PRKCE: variants seen among roughly 807,000 people sequenced by gnomAD.
PRKCE encodes protein kinase C epsilon.
Under a neutral mutation model 85.4 loss-of-function variants are expected in PRKCE, and 16 were observed. The ratio of observed to expected loss-of-function variants is 0.19; its 90% CI spans 0.13 to 0.28. The LOEUF is 0.28. Ranked by LOEUF, PRKCE falls within the 10% of genes least tolerant of loss-of-function variation. PRKCE has a pLI of 1.00. For synonymous variants in PRKCE, 388 were observed against 371.5 expected (o/e 1.04, Z -0.51); for missense variants, 573 against 975.2 (o/e 0.59, Z 5.49).
intron 2 of PRKCE, among the ~76,000 whole-genome samples, chr2:45,920,231 T>C (rs981411086): frequency 3.9e-5 from 6 of 152,214 alleles, no homozygotes; most frequent in Admixed American, 3.9e-4. Flanking sequence ...TGACATCAGC[T>C]TGAGGATAAA....
rs1704705613 is a variant in PRKCE at position 46,001,806 on chromosome 2, G to C, written c.966+260G>C. On this transcript the variant is annotated intron_variant, in intron 7 of 14. Transcript: ENST00000306156. This position sits in a 1 kb window ranked among gnomAD's most constrained non-coding sequence, Gnocchi z 4.4. ...CAAAGAAACATAAACTTTGAGATGA[G>C]GAATTTGAAATTCCTTCTAGAAAAA... 6.6e-6 allele frequency among the ~76,000 whole-genome samples: 1 copy of C among 152,178 alleles called. No individual in the cohort carries two copies. The highest frequency in any genetic ancestry group is 1.5e-5 in the Non-Finnish European group (1 of 68,028).
intron 1 of PRKCE, among the ~76,000 whole-genome samples, chr2:45,665,191 A>G (rs1675855014): frequency 6.6e-6 from 1 of 152,242 alleles, no homozygotes; most frequent in African/African-American, 2.4e-5. Flanking sequence ...ACAAAAATAT[A>G]TGTGGCAAGT....
In PRKCE at chr2:46,010,215, C is replaced by T. The variant is rs1459098161; in HGVS notation, c.1264-129C>T. 2.8e-6 allele frequency: 3 copies of T among 1,075,586 alleles called. No homozygotes were observed. The African/African-American group carries it at 4.8e-5, about 17-fold the overall frequency. 66.6% of individuals were successfully genotyped at this position (1,075,586 alleles called of 1,614,324 possible). On this transcript the variant is annotated intron_variant, in intron 9 of 14. Transcript: ENST00000306156. ...GTATCTTGGGTGCATGCCACCACAC[C>T]AGGCTTGTTATAATATTTAAAATTA...
intron 14 of PRKCE, among the ~76,000 whole-genome samples, chr2:46,174,925 G>A (rs945763634): frequency 2.0e-5 from 3 of 151,806 alleles, no homozygotes; most frequent in Non-Finnish European, 4.4e-5. Context: ...TCCTGGGCTC[G>A]AGCTATCCAC....
At chr2:45,882,203 AG>A (rs1355324683) in intron 2 of PRKCE, among the ~76,000 whole-genome samples, 1 of 152,160 alleles carries the variant, frequency 6.6e-6, no homozygotes, top group Non-Finnish European at 1.5e-5. Flanking sequence ...TTCGAGTTTC[AG>A]GTTGAGGATG....
intron 2 of PRKCE, among the ~76,000 whole-genome samples, chr2:45,952,665 C>T (rs1449618552): frequency 6.6e-6 from 1 of 152,156 alleles, no homozygotes; most frequent in Middle Eastern, 3.2e-3. Flanking sequence ...AAGCACTCAC[C>T]ACAGGATTCC....
chr2:45,904,548 C>T (rs960363933), intron 2 of PRKCE, among the ~76,000 whole-genome samples: 2 of 152,176 alleles, frequency 1.3e-5, no homozygotes, highest in African/African-American at 4.8e-5. Context: ...CAGAGGCGTG[C>T]TCGGTGGGTT....
intron 1 of PRKCE, among the ~76,000 whole-genome samples, chr2:45,744,278 A>G (rs1279477402): frequency 6.6e-6 from 1 of 152,202 alleles, no homozygotes; most frequent in African/African-American, 2.4e-5. Flanking sequence ...ACTATCAAGT[A>G]GAGTGTGTGT....
chr2:45,662,749 T>G (rs545106182), intron 1 of PRKCE, among the ~76,000 whole-genome samples: 2 of 152,194 alleles, frequency 1.3e-5, no homozygotes, highest in African/African-American at 4.8e-5. Flanking sequence ...ACAAAGCTAT[T>G]TTTGATAGCT....
chr2:45,720,342 C>T (rs761638077), intron 1 of PRKCE, among the ~76,000 whole-genome samples: 3 of 152,040 alleles, frequency 2.0e-5, no homozygotes, highest in Non-Finnish European at 2.9e-5. Context: ...TTGGCGGGGG[C>T]GGTAGGGGTG....
chr2:45,726,436 C>T (rs549787974), intron 1 of PRKCE, among the ~76,000 whole-genome samples: 3 of 152,220 alleles, frequency 2.0e-5, no homozygotes, highest in East Asian at 1.9e-4. Context: ...CTGTCAACAT[C>T]GAGGCACGAT....
intron 1 of PRKCE, among the ~76,000 whole-genome samples, chr2:45,832,309 G>A (rs1690492449): frequency 2.9e-5 from 4 of 135,728 alleles, no homozygotes; most frequent in African/African-American, 5.8e-5. Flanking sequence ...TGTCCAAGGA[G>A]CAACTTTTTT....
At chr2:45,981,013 A>T (rs1362196218) in intron 5 of PRKCE, among the ~76,000 whole-genome samples, 1 of 152,242 alleles carries the variant, frequency 6.6e-6, no homozygotes, top group Non-Finnish European at 1.5e-5. Context: ...GCCACTTTCA[A>T]ACCCAGGCAG....
chr2:46,134,918 G>T (rs1403579656), intron 11 of PRKCE, among the ~76,000 whole-genome samples: 1 of 152,180 alleles, frequency 6.6e-6, no homozygotes, highest in East Asian at 1.9e-4. Context: ...TGAATATTAA[G>T]GATAAGAATG....
At chr2:45,799,124 C>T (rs756778607) in intron 1 of PRKCE, among the ~76,000 whole-genome samples, 1 of 151,622 alleles carries the variant, frequency 6.6e-6, no homozygotes, top group Non-Finnish European at 1.5e-5. Context: ...TGAGATCGTG[C>T]CACGGCACTC....
At chr2:45,855,336 A>T (rs1254074415) in intron 2 of PRKCE, among the ~76,000 whole-genome samples, 2 of 152,252 alleles carry the variant, frequency 1.3e-5, no homozygotes, top group Admixed American at 6.5e-5. Flanking sequence ...CTTAGCAGGT[A>T]TTTACAGAAT....
At chr2:45,933,136 T>C (rs1699163152) in intron 2 of PRKCE, among the ~76,000 whole-genome samples, 1 of 152,238 alleles carries the variant, frequency 6.6e-6, no homozygotes, top group African/African-American at 2.4e-5. Flanking sequence ...TAGAAGTGCC[T>C]ACACAAGTCT....
intron 2 of PRKCE, chr2:45,851,890 G>C (rs932651593): frequency 4.6e-5 from 7 of 152,230 alleles, no homozygotes; most frequent in African/African-American, 1.7e-4. Flanking sequence ...GCCTGTCACC[G>C]AGGACTGAGT....
chr2:45,976,641 C>T lies in PRKCE; in HGVS notation c.572+53C>T, dbSNP rs991100677. The T allele has an allele frequency of 1.2e-4, 189 of 1,573,486 alleles. No homozygotes were observed. The East Asian group carries it at 1.6e-3, about 13-fold the overall frequency. On this transcript the variant is annotated intron_variant, in intron 3 of 14. Transcript: ENST00000306156. ...TTACAACATCTCTGTTACAAGATGT[C>T]GGGGATGGGGTAGGGGAGACTATGC...
Sources: allele counts gnomAD v4.1 joint callset (sites outside exome capture counted in the v4.1 genomes callset), GRCh38; gene constraint gnomAD v4.1.1; non-coding constraint Gnocchi (gnomAD v3.1); transcripts MANE v1.5; gene names NCBI Gene and HGNC (gene_info 2026-07-23, HGNC 2026-07-21).